Variants in RBM20 observed in about 807,000 individuals in gnomAD.
RBM20 encodes the protein RNA binding motif protein 20, also known as RNA-binding protein 20.
Under a neutral mutation model 110.1 loss-of-function variants are expected in RBM20, and 51 were observed. That is an observed-to-expected ratio of 0.46 (90% CI 0.37 to 0.59). RBM20 has a LOEUF of 0.59. Among genes scored for constraint, RBM20 ranks in the 20% least tolerant of loss-of-function variants. The probability of loss-of-function intolerance (pLI) is 0.00; values close to 1 mark genes in which losing one functional copy is unlikely to be tolerated. For synonymous variants in RBM20, 589 were observed against 618.2 expected, an observed-to-expected ratio of 0.95 and a Z score of 0.70; for missense variants, 1,512 against 1,574.9, an observed-to-expected ratio of 0.96 and a Z score of 0.68.
Position 110,812,293 on chromosome 10 carries a change from G to C in RBM20, c.1896G>C (p.Arg632Ser), listed in dbSNP as rs767451635. The C allele has an allele frequency of 7.8e-6, 12 of 1,546,244 alleles. No homozygotes were observed. The highest frequency in any genetic ancestry group is 1.0e-5 in the Non-Finnish European group (12 of 1,143,792). Reference sequence around the variant, plus strand: ...TCCCTCACAGATATGGCCCAGAAAGGCCGCGGTCTCGTAGTCCGGTGAGCC... The same window carrying C: ...TCCCTCACAGATATGGCCCAGAAAGCCCGCGGTCTCGTAGTCCGGTGAGCC... ...FREADRYGPE[R>S]PRSRSPVSRS... Residue 632 changes from arginine to serine, a missense_variant, in exon 9 of 14, where the codon AGG becomes AGC. Physicochemically the swap from Arg to Ser is moderately radical, Grantham distance 110 (BLOSUM62 -1). Coordinates refer to ENST00000369519, the MANE Select transcript of RBM20 (RefSeq NM_001134363.3).
intron 9 of RBM20, among the ~76,000 whole-genome samples, chr10:110,814,253 AG>A (rs765693091): frequency 2.2e-3 from 328 of 152,348 alleles, no homozygotes; most frequent in Non-Finnish European, 3.6e-3. Context: ...TGCTAGGTGC[AG>A]GCGAGCCAAA....
intron 1 of RBM20, among the ~76,000 whole-genome samples, chr10:110,675,597 A>C (rs1429661328): frequency 6.6e-6 from 1 of 152,210 alleles, no homozygotes; most frequent in Admixed American, 6.5e-5. Context: ...TGAATCAGGC[A>C]GCTTGCTTTC....
intron 1 of RBM20, among the ~76,000 whole-genome samples, chr10:110,768,075 C>A (rs908097237): frequency 6.6e-6 from 1 of 152,232 alleles, no homozygotes; most frequent in African/African-American, 2.4e-5. Flanking sequence ...CAAAAAAATA[C>A]GAAAACCAGT....
intron 1 of RBM20, among the ~76,000 whole-genome samples, chr10:110,769,655 G>A (rs553070799): frequency 1.8e-4 from 28 of 152,162 alleles, no homozygotes; most frequent in Middle Eastern, 6.8e-3. Context: ...CATTCTTGGT[G>A]TACTTGCAGC....
Position 110,797,613 on chromosome 10 carries a change from G to A in RBM20, c.1633G>A (p.Val545Ile), listed in dbSNP as rs397516596. Residue 545 changes from valine to isoleucine, a missense_variant, in exon 6 of 14, where the codon GTC becomes ATC. Physicochemically the swap from Val to Ile is conservative, Grantham distance 29 (BLOSUM62 3). Transcript: ENST00000369519. ...TAACCTGGGGCTGCCCTTTGGAAAG[G>A]TCACTAATTACATCCTCATGAAGTC... is the stretch of plus-strand genomic sequence containing the variant. Reference protein sequence around the residue: ...VINLGLPFGKVTNYILMKSTN... With the variant: ...VINLGLPFGKITNYILMKSTN... 1.3e-4 allele frequency: 202 copies of A among 1,551,816 alleles called. No individual in the cohort carries two copies. Among genetic ancestry groups the A allele is most frequent in the Non-Finnish European group, 1.7e-4 (193 of 1,147,028 alleles).
chr10:110,812,278 A>G lies in RBM20; in HGVS notation c.1881A>G (p.Arg627=), dbSNP rs1482868696. The G allele has an allele frequency of 3.9e-6, 6 of 1,541,566 alleles. No homozygotes were observed. The African/African-American group carries it at 6.9e-5, about 18-fold the overall frequency. ...RERDMFREAD[R]YGPERPRSRS... Reference sequence around the variant, plus strand: ...ATCCTGCTCCTTGGCTCCCTCACAGATATGGCCCAGAAAGGCCGCGGTCTC... The same window carrying G: ...ATCCTGCTCCTTGGCTCCCTCACAGGTATGGCCCAGAAAGGCCGCGGTCTC... The change falls in exon 9 of 14, where the codon AGA becomes AGG. Residue 627 remains arginine, a splice_region_variant and synonymous_variant. Coordinates refer to ENST00000369519, the MANE Select transcript of RBM20 (RefSeq NM_001134363.3).
chr10:110,712,576 G>A (rs1423253191), intron 1 of RBM20, among the ~76,000 whole-genome samples: 2 of 152,172 alleles, frequency 1.3e-5, no homozygotes, highest in Non-Finnish European at 2.9e-5. Context: ...AGACCAGCCT[G>A]GCCAAAATGG....
chr10:110,783,304 C>A, intron 2 of RBM20, 62 bp from the exon 3 acceptor site: 1 of 1,308,928 alleles, frequency 7.6e-7, no homozygotes, highest in South Asian at 1.3e-5. Context: ...TCTCTGTGCT[C>A]ATCCTTTGCC....
At chr10:110,647,030 C>T (rs1045997020) in intron 1 of RBM20, among the ~76,000 whole-genome samples, 5 of 152,190 alleles carry the variant, frequency 3.3e-5, no homozygotes, top group African/African-American at 9.7e-5. Context: ...CGACATCAAT[C>T]TTCTTCATGT....
chr10:110,776,790 A>T (rs142900346), intron 1 of RBM20, among the ~76,000 whole-genome samples: 1 of 152,344 alleles, frequency 6.6e-6, no homozygotes, highest in Admixed American at 6.5e-5. Flanking sequence ...CATTTTTATT[A>T]TTCAGCCTAC....
chr10:110,669,743 G>C (rs1862232661), intron 1 of RBM20, among the ~76,000 whole-genome samples: 1 of 152,190 alleles, frequency 6.6e-6, no homozygotes, highest in Non-Finnish European at 1.5e-5. Flanking sequence ...CATTTCAAGG[G>C]ACTGGCTTTC....
At chr10:110,772,777 C>T (rs1218138646) in intron 1 of RBM20, among the ~76,000 whole-genome samples, 1 of 152,152 alleles carries the variant, frequency 6.6e-6, no homozygotes, top group South Asian at 2.1e-4. Flanking sequence ...GCAGAAATAG[C>T]TGAATTTGTG....
intron 1 of RBM20, among the ~76,000 whole-genome samples, chr10:110,676,331 G>C (rs1377470244): frequency 6.6e-6 from 1 of 152,144 alleles, no homozygotes; most frequent in Non-Finnish European, 1.5e-5. Flanking sequence ...ATCTCACAGA[G>C]AGAGAAAAAT....
chr10:110,833,724 G>T (rs1440652516), intron 13 of RBM20, among the ~76,000 whole-genome samples: 1 of 152,212 alleles, frequency 6.6e-6, no homozygotes, highest in Admixed American at 6.5e-5. Context: ...CCTCCCCGCA[G>T]CAGGCCAGAG....
At chr10:110,670,754 G>T (rs192665405) in intron 1 of RBM20, among the ~76,000 whole-genome samples, 1 of 152,128 alleles carries the variant, frequency 6.6e-6, no homozygotes, top group African/African-American at 2.4e-5. Context: ...ATGTACTTCA[G>T]TTTCTCCAAA....
chr10:110,808,131 C>G (rs1436378691), intron 7 of RBM20, among the ~76,000 whole-genome samples: 1 of 152,234 alleles, frequency 6.6e-6, no homozygotes, highest in Non-Finnish European at 1.5e-5. Context: ...GGTGGGCAGG[C>G]AGGAAGAAGA....
intron 5 of RBM20, among the ~76,000 whole-genome samples, chr10:110,792,149 A>G (rs200268484): frequency 0.15 from 10,416 of 67,398 alleles, 465 homozygotes; most frequent in East Asian, 0.39. Context: ...CTGTCTATCT[A>G]TCTATCTATC....
intron 1 of RBM20, among the ~76,000 whole-genome samples, chr10:110,686,127 G>C (rs1464741345): frequency 6.6e-6 from 1 of 152,140 alleles, no homozygotes; most frequent in Non-Finnish European, 1.5e-5. Flanking sequence ...GTCCATTCCT[G>C]CTTCAAAGGG....
intron 3 of RBM20, among the ~76,000 whole-genome samples, chr10:110,784,115 A>T (rs148958222): frequency 1.3e-5 from 2 of 152,358 alleles, no homozygotes; most frequent in East Asian, 1.9e-4. Context: ...TTGCATGTAT[A>T]TATCACATTC....
Sources: gnomAD v4.1 joint callset for allele counts (sites outside exome capture counted in the v4.1 genomes callset) on GRCh38, gnomAD v4.1.1 for gene constraint, MANE v1.5 for transcripts, NCBI Gene and HGNC (gene_info 2026-07-23, HGNC 2026-07-21) for gene names.